EIF4ENIF1: variants seen among roughly 807,000 people sequenced by gnomAD.
EIF4ENIF1 encodes the protein eukaryotic translation initiation factor 4E transporter.
EIF4ENIF1 carries 23 observed loss-of-function variants against 110.5 expected under a neutral mutation model. The ratio of observed to expected loss-of-function variants is 0.21; its 90% confidence interval spans 0.15 to 0.29. The LOEUF (loss-of-function observed/expected upper bound fraction) is 0.29, where lower values mean the gene tolerates loss of function less well. EIF4ENIF1 is among the 10% of genes least tolerant of loss of function. EIF4ENIF1 has a pLI of 1.00. For synonymous variants in EIF4ENIF1, 440 were observed against 437.0 expected (o/e 1.01, Z -0.09); for missense variants, 1,031 against 1,221.1 (o/e 0.84, Z 2.32).
At chr22:31,484,660 CCT>C (rs2051950725) in intron 2 of EIF4ENIF1, among the ~76,000 whole-genome samples, 1 of 152,104 alleles carries the variant, frequency 6.6e-6, no homozygotes, top group Admixed American at 6.6e-5. Flanking sequence ...ATGGAGAAAC[CCT>C]GTCACTACTA....
chr22:31,449,590 T>TG, intron 11 of EIF4ENIF1, 59 bp from the exon 12 acceptor site: 1 of 1,514,348 alleles, frequency 6.6e-7, no homozygotes, highest in Non-Finnish European at 8.9e-7. Context: ...TCAGAGGCTG[T>TG]GAATTATGGA....
intron 7 of EIF4ENIF1, among the ~76,000 whole-genome samples, chr22:31,456,442 C>G (rs926019908): frequency 6.6e-6 from 1 of 151,984 alleles, no homozygotes; most frequent in East Asian, 1.9e-4. Context: ...CCAGGATGGT[C>G]TCGATCTCCT....
At chr22:31,467,928 A>G (rs2051245511) in intron 4 of EIF4ENIF1, among the ~76,000 whole-genome samples, 1 of 152,236 alleles carries the variant, frequency 6.6e-6, no homozygotes. Context: ...TCAGTTATCC[A>G]TGCCAGTGAA....
chr22:31,486,280 A>T (rs5749284), intron 2 of EIF4ENIF1, among the ~76,000 whole-genome samples: 76,690 of 120,222 alleles, frequency 0.64, 20,279 homozygotes, highest in African/African-American at 0.68. Flanking sequence ...CAAAAAAAAA[A>T]AAATAAAAAT....
intron 6 of EIF4ENIF1, among the ~76,000 whole-genome samples, chr22:31,462,504 A>C (rs186064460): frequency 1.3e-5 from 2 of 151,644 alleles, no homozygotes; most frequent in African/African-American, 2.4e-5. Context: ...AAAAGATTTC[A>C]AAATCAGGAT....
At chr22:31,463,539 G>A (rs537984300) in intron 5 of EIF4ENIF1, 142 bp downstream of exon 5, 21 of 815,074 alleles carry the variant, frequency 2.6e-5, no homozygotes, top group African/African-American at 7.0e-5. Flanking sequence ...AAAGTTAGCC[G>A]GGTATGGTGG....
Position 31,439,865 on chromosome 22 carries a change from G to C in EIF4ENIF1, c.*15C>G. 6.2e-7 allele frequency: 1 copy of C among 1,610,864 alleles called. No homozygotes were observed. Among genetic ancestry groups the C allele is most frequent in the East Asian group, 2.2e-5 (1 of 44,884 alleles). ...CCACCACAGGTCCGGGCTTAGTTGA[G>C]TCTGCCTGCCCTGCTCACTGTCGGT... On this transcript the variant is annotated 3_prime_UTR_variant, in exon 19 of 19. Transcript: ENST00000330125.
intron 17 of EIF4ENIF1, among the ~76,000 whole-genome samples, chr22:31,441,337 A>G (rs1043534791): frequency 2.0e-5 from 3 of 152,098 alleles, no homozygotes; most frequent in Non-Finnish European, 4.4e-5. Flanking sequence ...TAGGAGTTTG[A>G]GACCAGCCTG....
intron 6 of EIF4ENIF1, among the ~76,000 whole-genome samples, chr22:31,458,927 T>G (rs2145968834): frequency 1.3e-5 from 1 of 75,434 alleles, no homozygotes; most frequent in South Asian, 4.0e-4. Flanking sequence ...AGGGGGGTCT[T>G]TTTTTTTTTT....
At position 31,484,884 on chromosome 22, in the gene EIF4ENIF1, C is replaced by T. The variant is rs188025957; in HGVS notation, c.96+3739G>A. ...TCTACTGCTTCTAGATCTTCTAGCC[C>T]GTGAACTTGAAGTGGCAGAAACATC... On this transcript the variant is annotated intron_variant, in intron 2 of 18. Coordinates refer to ENST00000330125, the MANE Select transcript of EIF4ENIF1 (RefSeq NM_019843.4). Among the ~76,000 whole-genome samples, 88 of 152,250 alleles carry T rather than the reference C, an allele frequency of 5.8e-4. 1 individual carries two copies. In the East Asian group the frequency reaches 0.014, roughly 25 times the overall value.
rs746486121 is a variant in EIF4ENIF1, at chr22:31,471,968, CACTTT to C, written c.97-56_97-52del. 3 of 1,407,604 alleles carry C rather than the reference CACTTT, an allele frequency of 2.1e-6. No homozygotes were observed. The African/African-American group carries it at 4.4e-5, about 20-fold the overall frequency. The allele number at this position is 1,407,604 out of a possible 1,614,324, so 87.2% of individuals were successfully genotyped here. ...TTTGAATTACATTTCTTAGGCCACACACTTTAAACTTCTGTTCTGAATAATTCTAA... is the reference window on the plus strand; with the variant it reads ...TTTGAATTACATTTCTTAGGCCACACAAACTTCTGTTCTGAATAATTCTAA... On this transcript the variant is annotated intron_variant, in intron 2 of 18. Coordinates refer to ENST00000330125, the MANE Select transcript of EIF4ENIF1 (RefSeq NM_019843.4).
chr22:31,460,070 T>G (rs1384506843), intron 6 of EIF4ENIF1, among the ~76,000 whole-genome samples: 6 of 152,214 alleles, frequency 3.9e-5, no homozygotes, highest in Non-Finnish European at 8.8e-5. Context: ...CTGCTTTAAT[T>G]AAGAATGAGA....
chr22:31,479,289 G>A (rs900991187), intron 2 of EIF4ENIF1: 1 of 152,024 alleles, frequency 6.6e-6, no homozygotes, highest in African/African-American at 2.4e-5. Flanking sequence ...CAGGCTGCCT[G>A]AGCTCAGGTA....
downstream of EIF4ENIF1, chr22:31,437,492 C>CA (rs982507190): frequency 7.8e-6 from 1 of 128,078 alleles, no homozygotes; most frequent in Non-Finnish European, 1.6e-5. Context: ...TTGTGTTTAC[C>CA]AAAATACTTT....
At chr22:31,449,320 A>G in intron 12 of EIF4ENIF1, 28 bp downstream of exon 12, 1 of 1,607,544 alleles carries the variant, frequency 6.2e-7, no homozygotes, top group Non-Finnish European at 8.5e-7. Context: ...ATAAATTCAT[A>G]TTTCTTTTGA....
chr22:31,437,315 A>T (rs979689397), downstream of EIF4ENIF1: 12 of 152,114 alleles, frequency 7.9e-5, no homozygotes, highest in African/African-American at 2.9e-4. Context: ...TCCTTCCAGC[A>T]CTGATTGCTT....
rs924487494 is a variant in EIF4ENIF1, at chr22:31,469,956, G to C, written c.171-1654C>G. ...AGGTGGGTGGATCACCTGAGGTCAG[G>C]AGTTCGAGACCAGCCTGGCCAACAT... On this transcript the variant is annotated intron_variant, in intron 3 of 18. Coordinates refer to ENST00000330125, the MANE Select transcript of EIF4ENIF1 (RefSeq NM_019843.4). Among the ~76,000 whole-genome samples the C allele has an allele frequency of 2.3e-4, 35 of 152,118 alleles. 1 individual carries two copies. The highest frequency in any genetic ancestry group is 1.9e-3 in the Admixed American group (29 of 15,274).
At chr22:31,476,832 T>A (rs997073751) in intron 2 of EIF4ENIF1, among the ~76,000 whole-genome samples, 1 of 143,548 alleles carries the variant, frequency 7.0e-6, no homozygotes, top group Admixed American at 7.1e-5. Flanking sequence ...TAAGATTCTG[T>A]GTCAAACAAA....
At chr22:31,448,684 T>G (rs1298384951) in intron 12 of EIF4ENIF1, among the ~76,000 whole-genome samples, 7 of 152,230 alleles carry the variant, frequency 4.6e-5, no homozygotes, top group Non-Finnish European at 1.0e-4. Context: ...GCAGGAACAC[T>G]ACGACATTCC....
Sources: gnomAD v4.1 joint callset for allele counts (sites outside exome capture counted in the v4.1 genomes callset) on GRCh38, gnomAD v4.1.1 for gene constraint, MANE v1.5 for transcripts, NCBI Gene and HGNC (gene_info 2026-07-23, HGNC 2026-07-21) for gene names.